Variants in EYS observed in about 807,000 individuals in gnomAD.
The protein encoded by EYS is protein eyes shut homolog.
A neutral mutation model predicts 282.1 loss-of-function variants in EYS; 250 were observed. That is an observed-to-expected ratio of 0.89 (90% confidence interval 0.80 to 0.98). EYS has a LOEUF of 0.98. EYS is among the 50% of genes least tolerant of loss of function. EYS has a pLI of 0.00. For synonymous variants in EYS, 1,355 were observed against 1,282.9 expected (o/e 1.06, Z -1.20); for missense variants, 4,016 against 3,709.0 (o/e 1.08, Z -2.15).
chr6:64,944,975 C>T (rs1769229923), intron 15 of EYS, among the ~76,000 whole-genome samples: 1 of 151,448 alleles, frequency 6.6e-6, no homozygotes, highest in Non-Finnish European at 1.5e-5. Context: ...TGCTGACCTT[C>T]TCCTTATTAT....
intron 29 of EYS, among the ~76,000 whole-genome samples, chr6:64,330,430 C>G (rs796946493): frequency 3.9e-5 from 6 of 152,280 alleles, no homozygotes; most frequent in African/African-American, 1.4e-4. Flanking sequence ...GAAAGAACCC[C>G]TCCTGTGGGG....
rs149833334 is a variant in EYS at position 64,022,946 on chromosome 6, A to G, written c.6726-23763T>C. 4.6e-3 allele frequency among the ~76,000 whole-genome samples: 694 copies of G among 152,322 alleles called. 2 individuals are homozygous for G. Among genetic ancestry groups the G allele is most frequent in the Non-Finnish European group, 7.1e-3 (481 of 68,022 alleles). On this transcript the variant is annotated intron_variant, in intron 33 of 42. Coordinates refer to ENST00000503581, the MANE Select transcript of EYS (RefSeq NM_001142800.2). ...TTGCTTCTCAAATAAAACGTTTTAT[A>G]TTTAGAGATTTGTCTTTAATTTTTT... is the stretch of plus-strand genomic sequence containing the variant.
chr6:65,151,497 T>C lies in EYS; in HGVS notation c.2024-93770A>G, dbSNP rs910288278. 4.6e-5 allele frequency among the ~76,000 whole-genome samples: 7 copies of C among 152,078 alleles called. No homozygotes were observed. In the East Asian group the frequency reaches 9.7e-4, roughly 21 times the overall value. ...GATTCAGGCTGCCTCAGAAAATAAA[T>C]GTGATACTGCTCTGACTAGGTGATT... On this transcript the variant is annotated intron_variant, in intron 12 of 42. Transcript: ENST00000503581.
At chr6:64,066,540 A>G in intron 32 of EYS, 49 bp from the exon 33 acceptor site, 1 of 1,270,036 alleles carries the variant, frequency 7.9e-7, no homozygotes, top group Non-Finnish European at 1.1e-6. Context: ...TTTATATTTT[A>G]TTGGTTAACA....
Position 64,841,904 on chromosome 6 carries a change from C to T in EYS, c.2993-19082G>A, listed in dbSNP as rs532720132. 2.6e-5 allele frequency among the ~76,000 whole-genome samples: 4 copies of T among 152,222 alleles called. No homozygotes were observed. In the East Asian group the frequency reaches 7.7e-4, roughly 29 times the overall value. ...AGATTAACTTCTCATACCCAATTAT[C>T]CTAATTCCACAGTCCTTTATTAAAA... On this transcript the variant is annotated intron_variant, in intron 19 of 42. Transcript: ENST00000503581.
chr6:64,534,606 CT>C (rs1764460580), intron 26 of EYS, among the ~76,000 whole-genome samples: 1 of 152,086 alleles, frequency 6.6e-6, no homozygotes, highest in Non-Finnish European at 1.5e-5. Context: ...CTTCTTTCCT[CT>C]TTCTCTTTTC....
chr6:65,086,435 A>T (rs890922909), intron 12 of EYS, among the ~76,000 whole-genome samples: 1 of 152,172 alleles, frequency 6.6e-6, no homozygotes, highest in Non-Finnish European at 1.5e-5. Context: ...TTAGGCTTTC[A>T]TGGTTTCTTT....
intron 8 of EYS, among the ~76,000 whole-genome samples, chr6:65,365,515 G>T (rs1385557769): frequency 9.8e-6 from 1 of 102,484 alleles, no homozygotes; most frequent in East Asian, 2.7e-4. Flanking sequence ...AGAAATTGAT[G>T]TTAGGTTTCT....
chr6:64,611,736 C>T (rs1767121855), intron 24 of EYS, among the ~76,000 whole-genome samples: 1 of 152,000 alleles, frequency 6.6e-6, no homozygotes, highest in Non-Finnish European at 1.5e-5. Context: ...GAATGTAAGA[C>T]TAGTGTATAT....
chr6:64,953,041 G>GA (rs1221344077), intron 14 of EYS, among the ~76,000 whole-genome samples: 1 of 151,556 alleles, frequency 6.6e-6, no homozygotes. Flanking sequence ...TTCCTAACAA[G>GA]AAAAAGACTT....
chr6:64,441,498 ACAAT>A (rs1338347765), intron 26 of EYS, among the ~76,000 whole-genome samples: 1 of 152,206 alleles, frequency 6.6e-6, no homozygotes, highest in Admixed American at 6.5e-5. Flanking sequence ...AACACAAAGC[ACAAT>A]CAAAGGAATG....
chr6:63,725,929 CTT>C (rs1162733195), intron 42 of EYS, among the ~76,000 whole-genome samples: 5 of 152,054 alleles, frequency 3.3e-5, no homozygotes, highest in African/African-American at 7.2e-5. Context: ...GTGCAGATGT[CTT>C]TGTCAGAATT....
chr6:64,987,707 G>A (rs1770908610), intron 14 of EYS, among the ~76,000 whole-genome samples: 1 of 151,382 alleles, frequency 6.6e-6, no homozygotes, highest in Non-Finnish European at 1.5e-5. Context: ...TTTTCTCTGT[G>A]AAATATACCT....
chr6:65,254,841 C>T (rs1178637214), intron 12 of EYS, among the ~76,000 whole-genome samples: 3 of 151,758 alleles, frequency 2.0e-5, no homozygotes, highest in Admixed American at 6.6e-5. Flanking sequence ...CATAAAGTAA[C>T]ATTTTGATAA....
intron 2 of EYS, among the ~76,000 whole-genome samples, chr6:65,620,858 C>T (rs1766451611): frequency 6.6e-6 from 1 of 152,090 alleles, no homozygotes; most frequent in African/African-American, 2.4e-5. Flanking sequence ...TGTAGTTGAG[C>T]AGTTTTGAGT....
At chr6:64,860,971 G>C (rs531099513) in intron 19 of EYS, among the ~76,000 whole-genome samples, 1 of 152,300 alleles carries the variant, frequency 6.6e-6, no homozygotes, top group African/African-American at 2.4e-5. Context: ...ACTATGGGTG[G>C]CTATGGGCAG....
At chr6:64,231,557 T>C (rs1446857453) in intron 30 of EYS, among the ~76,000 whole-genome samples, 1 of 152,140 alleles carries the variant, frequency 6.6e-6, no homozygotes, top group Non-Finnish European at 1.5e-5. Flanking sequence ...AATATACTTT[T>C]TATGCCTTGT....
chr6:64,600,046 A>G (rs1199761646), intron 24 of EYS, among the ~76,000 whole-genome samples: 1 of 152,146 alleles, frequency 6.6e-6, no homozygotes, highest in Non-Finnish European at 1.5e-5. Context: ...ACATTTGAAG[A>G]TAAAATGTTG....
At chr6:65,265,843 C>T (rs958043490) in intron 12 of EYS, among the ~76,000 whole-genome samples, 2 of 151,812 alleles carry the variant, frequency 1.3e-5, no homozygotes, top group African/African-American at 4.8e-5. Flanking sequence ...ACCTAGGATT[C>T]TATTTTCTAA....
Sources: allele counts gnomAD v4.1 joint callset (sites outside exome capture counted in the v4.1 genomes callset), GRCh38; gene constraint gnomAD v4.1.1; transcripts MANE v1.5; gene names NCBI Gene and HGNC (gene_info 2026-07-23, HGNC 2026-07-21).